The following TAMM41 variants were observed in gnomAD, a reference collection of about 807,000 sequenced individuals.
The protein encoded by TAMM41 is TAM41 mitochondrial translocator assembly and maintenance homolog, also known as phosphatidate cytidylyltransferase, mitochondrial.
Under a neutral mutation model 44.1 loss-of-function variants are expected in TAMM41, and 36 were observed. That is an observed-to-expected ratio of 0.82 (90% CI 0.63 to 1.08). The LOEUF is 1.08. Among genes scored for constraint, TAMM41 ranks in the 50% least tolerant of loss-of-function variants. The pLI is 0.00. For synonymous variants in TAMM41, 164 were observed against 153.1 expected (o/e 1.07, Z -0.53); for missense variants, 417 against 404.3 (o/e 1.03, Z -0.27).
At chr3:11,724,270 A>C in the TAMM41 span, among the ~76,000 whole-genome samples, 1 of 148,412 alleles carries the variant, frequency 6.7e-6, no homozygotes, top group Non-Finnish European at 1.5e-5. Context: ...TGCCTGGCTA[A>C]TTTTGTATTT....
intron 7 of TAMM41, among the ~76,000 whole-genome samples, chr3:11,792,626 A>G (rs2077506303): frequency 6.6e-6 from 1 of 152,220 alleles, no homozygotes. Flanking sequence ...TTATAATTTC[A>G]ACAGAGGTGG....
chr3:11,814,390 A>G (rs1317320294), intron 5 of TAMM41, among the ~76,000 whole-genome samples: 2 of 152,146 alleles, frequency 1.3e-5, no homozygotes, highest in African/African-American at 2.4e-5. Flanking sequence ...ATAATACAAG[A>G]ATAGGAAGCT....
chr3:11,780,164 T>G, the TAMM41 span, among the ~76,000 whole-genome samples: 2 of 152,350 alleles, frequency 1.3e-5, no homozygotes, highest in East Asian at 3.9e-4. Flanking sequence ...TGGCTGGCTC[T>G]CCATTGCTCT....
rs80019078 is a variant in TAMM41 at position 11,839,462 on chromosome 3, C to G, written c.319-148G>C. ...TCAAAACACCTGACTTGTGAAAACA[C>G]ACATCTCCACCAAAACTTTTGAGAG... On this transcript the variant is annotated intron_variant, in intron 2 of 7. Transcript: ENST00000455809. 9.9e-4 allele frequency: 572 copies of G among 577,930 alleles called. 5 individuals carry two copies. In the African/African-American group the frequency reaches 0.01, roughly 10 times the overall value. The allele number at this position is 577,930 out of a possible 1,614,324, so 35.8% of individuals were successfully genotyped here.
intron 7 of TAMM41, among the ~76,000 whole-genome samples, chr3:11,794,076 T>C (rs1408824131): frequency 6.6e-6 from 1 of 152,142 alleles, no homozygotes; most frequent in Non-Finnish European, 1.5e-5. Context: ...AGATAACAGC[T>C]ATGGTCTCTG....
intron 6 of TAMM41, 132 bp downstream of exon 6, chr3:11,809,385 T>C (rs2124957470): frequency 9.7e-7 from 1 of 1,029,708 alleles, no homozygotes; most frequent in South Asian, 1.6e-5. Flanking sequence ...AAATTTTTAG[T>C]GCTTTCTTCT....
chr3:11,831,191 A>G (rs1333911006), intron 3 of TAMM41, among the ~76,000 whole-genome samples: 1 of 152,136 alleles, frequency 6.6e-6, no homozygotes, highest in Non-Finnish European at 1.5e-5. Flanking sequence ...CATTAGCTTC[A>G]CCTGGAGAAC....
At chr3:11,833,202 C>A in intron 3 of TAMM41, 1 of 1,259,016 alleles carries the variant, frequency 7.9e-7, no homozygotes, top group South Asian at 1.3e-5. Flanking sequence ...TTGTATCTTA[C>A]TGGGAATGCC....
At chr3:11,813,746 C>T (rs756147124) in intron 5 of TAMM41, among the ~76,000 whole-genome samples, 1 of 151,002 alleles carries the variant, frequency 6.6e-6, no homozygotes, top group African/African-American at 2.4e-5. Flanking sequence ...CCCAGGAGTT[C>T]GAGACCAGCC....
the TAMM41 span, among the ~76,000 whole-genome samples, chr3:11,774,087 C>CAA: frequency 6.6e-6 from 1 of 151,888 alleles, no homozygotes; most frequent in South Asian, 2.1e-4. Flanking sequence ...GACTCCATCT[C>CAA]AAAAAAACCA....
intron 7 of TAMM41, among the ~76,000 whole-genome samples, chr3:11,804,995 C>T (rs2077859975): frequency 7.4e-6 from 1 of 135,910 alleles, no homozygotes; most frequent in African/African-American, 3.0e-5. Flanking sequence ...CACGCCCAGC[C>T]CTTTTTTTTT....
chr3:11,722,375 AAG>A, the TAMM41 span, among the ~76,000 whole-genome samples: 1 of 152,102 alleles, frequency 6.6e-6, no homozygotes, highest in African/African-American at 2.4e-5. Context: ...CTGTAAGAAA[AAG>A]GGGGGTTGTT....
downstream of TAMM41, among the ~76,000 whole-genome samples, chr3:11,786,284 A>T (rs200949765): frequency 4.2e-5 from 3 of 70,952 alleles, no homozygotes; most frequent in African/African-American, 1.5e-4. Context: ...TATTTATTTA[A>T]TTTTATTATT....
At chr3:11,782,186 A>T in the TAMM41 span, among the ~76,000 whole-genome samples, 4 of 152,328 alleles carry the variant, frequency 2.6e-5, no homozygotes, top group African/African-American at 9.6e-5. Flanking sequence ...TACAGAACTG[A>T]ATTCAAATCC....
the TAMM41 span, among the ~76,000 whole-genome samples, chr3:11,750,607 G>A: frequency 6.6e-6 from 1 of 152,116 alleles, no homozygotes; most frequent in Non-Finnish European, 1.5e-5. Flanking sequence ...ACTGCGCCCA[G>A]CTTCCTCTGA....
rs1189111895 is a variant in TAMM41, at chr3:11,829,745, G to C, written c.531C>G (p.Leu177=). The change falls in exon 4 of 8, where the codon CTC becomes CTG. Residue 177 remains leucine, a synonymous_variant. Coordinates refer to ENST00000455809, the MANE Select transcript of TAMM41 (RefSeq NM_001284401.2). ...MLPESFSEED[L]FIEIAGLSYS... ...AGGAGAGACCGGCAATCTCTATGAAGAGGTCTTCTTCAGAAAAGCTTTCGG... is the reference window on the plus strand; with the variant it reads ...AGGAGAGACCGGCAATCTCTATGAACAGGTCTTCTTCAGAAAAGCTTTCGG... The C allele has an allele frequency of 9.9e-6, 16 of 1,614,196 alleles. No homozygotes were observed. The highest frequency in any genetic ancestry group is 1.4e-5 in the Non-Finnish European group (16 of 1,180,032).
intron 5 of TAMM41, among the ~76,000 whole-genome samples, chr3:11,814,427 A>C (rs2078207482): frequency 6.6e-6 from 1 of 152,094 alleles, no homozygotes; most frequent in African/African-American, 2.4e-5. Context: ...TGGGAAAATT[A>C]AAAATTTAGT....
chr3:11,758,341 T>G, the TAMM41 span, among the ~76,000 whole-genome samples: 1 of 135,282 alleles, frequency 7.4e-6, no homozygotes, highest in Non-Finnish European at 1.7e-5. Context: ...GTGGGGTTTT[T>G]GTTTTGTATT....
At chr3:11,773,139 T>C in the TAMM41 span, among the ~76,000 whole-genome samples, 1 of 152,022 alleles carries the variant, frequency 6.6e-6, no homozygotes, top group South Asian at 2.1e-4. Flanking sequence ...ATATTTTTAG[T>C]AGAGTTGGGG....
Sources: gnomAD v4.1 joint callset for allele counts (sites outside exome capture counted in the v4.1 genomes callset) on GRCh38, gnomAD v4.1.1 for gene constraint, MANE v1.5 for transcripts, NCBI Gene and HGNC (gene_info 2026-07-23, HGNC 2026-07-21) for gene names.